FAT2: variants seen among roughly 807,000 people sequenced by gnomAD.
FAT2 encodes protocadherin Fat 2.
A neutral mutation model predicts 295.3 loss-of-function variants in FAT2; 150 were observed. That is an observed-to-expected ratio of 0.51 (90% CI 0.44 to 0.58). FAT2 has a LOEUF of 0.58. FAT2 is among the 20% of genes least tolerant of loss of function. The probability of loss-of-function intolerance (pLI) is 0.00; values close to 1 mark genes in which losing one functional copy is unlikely to be tolerated. For synonymous variants in FAT2, 2,026 were observed against 2,150.3 expected (o/e 0.94, Z 1.60); for missense variants, 4,868 against 5,442.7 (o/e 0.89, Z 3.32).
At chr5:151,592,329 T>C (rs933368923), upstream of FAT2, among the ~76,000 whole-genome samples, 1 of 152,216 alleles carries the variant, frequency 6.6e-6, no homozygotes, top group Non-Finnish European at 1.5e-5. Flanking sequence ...TGTCTACCTT[T>C]TCCCAGACAC....
At chr5:151,532,638 G>C (rs965685891) in intron 13 of FAT2, among the ~76,000 whole-genome samples, 1 of 152,176 alleles carries the variant, frequency 6.6e-6, no homozygotes, top group Non-Finnish European at 1.5e-5. Context: ...AAAAAGTTAA[G>C]AAAACACCCA....
intron 1 of FAT2, among the ~76,000 whole-genome samples, chr5:151,573,907 C>G (rs1275443685): frequency 6.6e-6 from 1 of 152,128 alleles, no homozygotes; most frequent in African/African-American, 2.4e-5. Context: ...CTCCTCATCA[C>G]TGGGGGAATC....
At chr5:151,520,439 T>G (rs1032269946) in intron 19 of FAT2, among the ~76,000 whole-genome samples, 1 of 152,194 alleles carries the variant, frequency 6.6e-6, no homozygotes, top group Admixed American at 6.5e-5. Flanking sequence ...CAACTGCAGA[T>G]GGGGCTAATG....
chr5:151,545,825 T>C lies in FAT2; in HGVS notation c.5302A>G (p.Ser1768Gly). ...FLKSTFVGQI[S>G]EAAPLYSMIM... ...ATGCTATACAGTGGAGCTGCTTCAC[T>C]AATTTGGCCCACAAAAGTTGACTTT... is the stretch of plus-strand genomic sequence containing the variant. The change falls in exon 10 of 24, where the codon AGT becomes GGT. Residue 1768 changes from serine (S) to glycine (G), a missense_variant. By Grantham distance (56) the Ser-to-Gly change is moderately conservative. This residue lies in a region of FAT2 where 3,297 missense variants were observed against 3,669.4 expected (regional missense o/e 0.90). Coordinates refer to ENST00000261800, the MANE Select transcript of FAT2 (RefSeq NM_001447.3). 4.3e-6 allele frequency: 7 copies of C among 1,614,282 alleles called. No individual in the cohort carries two copies. The highest frequency in any genetic ancestry group is 5.9e-6 in the Non-Finnish European group (7 of 1,180,056).
intron 20 of FAT2, among the ~76,000 whole-genome samples, chr5:151,513,735 G>A (rs1049410687): frequency 4.6e-5 from 7 of 151,926 alleles, no homozygotes; most frequent in South Asian, 2.1e-4. Context: ...ATGTACCCCC[G>A]AAACTAAACT....
chr5:151,545,017 T>C lies in FAT2; in HGVS notation c.6110A>G (p.Glu2037Gly), dbSNP rs2127611105. The C allele has an allele frequency of 1.2e-6, 2 of 1,614,172 alleles. No homozygotes were observed. The highest frequency in any genetic ancestry group is 1.6e-4 in the Middle Eastern group (1 of 6,062). Reference protein sequence around the residue: ...AFDREQQDTHELAVEVRDNRT... With the variant: ...AFDREQQDTHGLAVEVRDNRT... ...ATTGTCCCTCACTTCCACTGCCAAC[T>C]CATGAGTGTCCTGCTGCTCCCGGTC... is the stretch of plus-strand genomic sequence containing the variant. The change falls in exon 10 of 24, where the codon GAG becomes GGG. Residue 2037 changes from glutamate to glycine, a missense_variant. Transcript: ENST00000261800.
chr5:151,525,995 G>A (rs372970548), intron 17 of FAT2, 30 bp from the exon 18 acceptor site: 2 of 1,606,240 alleles, frequency 1.2e-6, no homozygotes, highest in East Asian at 4.5e-5. Context: ...AGAAGGCAAA[G>A]AGCAGAATGA....
intron 9 of FAT2, among the ~76,000 whole-genome samples, chr5:151,547,460 C>T (rs1385214086): frequency 6.6e-6 from 1 of 152,204 alleles, no homozygotes; most frequent in Non-Finnish European, 1.5e-5. Context: ...ACAGGCCTTA[C>T]ACTTGAGAAA....
intron 22 of FAT2, among the ~76,000 whole-genome samples, chr5:151,508,445 C>A (rs1248405791): frequency 2.0e-5 from 3 of 152,178 alleles, no homozygotes; most frequent in Non-Finnish European, 4.4e-5. Context: ...CGCAGTGGCT[C>A]ATGCCTGTAA....
chr5:151,516,728 T>G (rs564224979), intron 20 of FAT2, among the ~76,000 whole-genome samples: 161 of 152,318 alleles, frequency 1.1e-3, no homozygotes, highest in Non-Finnish European at 4.4e-5. Flanking sequence ...CCTAGGACAG[T>G]GCCTGTCACA....
At position 151,543,515 on chromosome 5, in the gene FAT2, C is replaced by G. The variant is rs1756354255; in HGVS notation, c.7612G>C (p.Ala2538Pro). 1.2e-6 allele frequency: 2 copies of G among 1,614,088 alleles called. No homozygotes were observed. Among genetic ancestry groups the G allele is most frequent in the Admixed American group, 3.3e-5 (2 of 60,006 alleles). Residue 2538 changes from alanine (A) to proline (P), a missense_variant, in exon 10 of 24, where the codon GCC (alanine) becomes CCC (proline). Physicochemically the swap from Ala to Pro is conservative, Grantham distance 27. Around this residue, in one of 5 missense-constraint regions of FAT2, gnomAD observed 3,297 missense variants for 3,669.4 expected, o/e 0.90. Transcript: ENST00000261800. Reference sequence around the variant, plus strand: ...TCCCGATCCAGTTTCTGCAGAGTGGCAATCTGGCCATTGGGGTTTATGGAG... The same window carrying G: ...TCCCGATCCAGTTTCTGCAGAGTGGGAATCTGGCCATTGGGGTTTATGGAG... ...KFSINPNGQI[A>P]TLQKLDRENS...
intron 2 of FAT2, among the ~76,000 whole-genome samples, chr5:151,564,294 A>G (rs1758152779): frequency 6.6e-6 from 1 of 152,266 alleles, no homozygotes; most frequent in African/African-American, 2.4e-5. Context: ...TCACAGCCAT[A>G]GCATAACAGA....
In FAT2 at chr5:151,545,890, AC is replaced by A. The variant is rs762728423; in HGVS notation, c.5236del (p.Val1746LeufsTer3). 9 of 1,614,188 alleles carry A rather than the reference AC, an allele frequency of 5.6e-6. No homozygotes were observed. The highest frequency in any genetic ancestry group is 7.6e-6 in the Non-Finnish European group (9 of 1,180,018). The part of the protein sequence containing the change: ...AGAFTDVMVV[V>X]DIIDENDNAP... ...ATTGTCATTTTCATCAATTATGTCA[AC>A]CACCACCATGACATCAGTAAATGCA... On this transcript the variant is annotated frameshift_variant, in exon 10 of 24. Coordinates refer to ENST00000261800, the MANE Select transcript of FAT2 (RefSeq NM_001447.3). LOFTEE classifies it high-confidence loss of function.
intron 2 of FAT2, among the ~76,000 whole-genome samples, chr5:151,564,638 C>A (rs1353084073): frequency 2.6e-5 from 4 of 152,148 alleles, no homozygotes; most frequent in African/African-American, 9.7e-5. Flanking sequence ...GTAGTGGGCA[C>A]TCGAACAGTG....
At chr5:151,582,733 G>A (rs76639821) in intron 1 of FAT2, among the ~76,000 whole-genome samples, 48 of 152,306 alleles carry the variant, frequency 3.2e-4, no homozygotes, top group East Asian at 2.3e-3. Context: ...GGCTAGAGAA[G>A]TGATTCTCAA....
chr5:151,517,158 G>T (rs1232003714), intron 20 of FAT2, among the ~76,000 whole-genome samples: 2 of 152,042 alleles, frequency 1.3e-5, no homozygotes, highest in African/African-American at 4.8e-5. Context: ...TGTGATAGAG[G>T]TGTTAAAATC....
intron 18 of FAT2, among the ~76,000 whole-genome samples, 154 bp downstream of exon 18, chr5:151,525,614 T>C (rs1416701254): frequency 6.6e-6 from 1 of 152,230 alleles, no homozygotes; most frequent in Non-Finnish European, 1.5e-5. Flanking sequence ...CTGAGTGTTA[T>C]GAGGCTTTAG....
Position 151,546,280 on chromosome 5 carries a change from T to C in FAT2, c.4847A>G (p.Gln1616Arg), listed in dbSNP as rs760670453. Reference protein sequence around the residue: ...NALLGIITLAQKLDQANHAPH... With the variant: ...NALLGIITLARKLDQANHAPH... ...GGCATGATTTGCCTGATCAAGCTTTTGAGCTAGAGTAATGATGCCTAGCAG... is the reference window on the plus strand; with the variant it reads ...GGCATGATTTGCCTGATCAAGCTTTCGAGCTAGAGTAATGATGCCTAGCAG... Residue 1616 changes from glutamine (Q) to arginine (R), a missense_variant, in exon 10 of 24, where the codon CAA becomes CGA. By Grantham distance (43) the Gln-to-Arg change is conservative (BLOSUM62 1). Around this residue, in one of 5 missense-constraint regions of FAT2, gnomAD observed 3,297 missense variants for 3,669.4 expected, o/e 0.90. Transcript: ENST00000261800. 6.2e-7 allele frequency: 1 copy of C among 1,614,152 alleles called. No individual in the cohort carries two copies. The highest frequency in any genetic ancestry group is 8.5e-7 in the Non-Finnish European group (1 of 1,180,014).
chr5:151,589,057 A>G (rs1759295449), intron 1 of FAT2, among the ~76,000 whole-genome samples: 1 of 152,164 alleles, frequency 6.6e-6, no homozygotes, highest in African/African-American at 2.4e-5. Flanking sequence ...TGTTAGTACT[A>G]TTAGTCCTAG....
Sources: gnomAD v4.1 joint callset for allele counts (sites outside exome capture counted in the v4.1 genomes callset) on GRCh38, gnomAD v4.1.1 for gene constraint, gnomAD v4.1.1 regional missense constraint, MANE v1.5 for transcripts, NCBI Gene and HGNC (gene_info 2026-07-23, HGNC 2026-07-21) for gene names.